Variants in TAF3 observed in about 807,000 individuals in gnomAD.
The protein encoded by TAF3 is TATA-box binding protein associated factor 3, also known as transcription initiation factor TFIID subunit 3.
Under a neutral mutation model 80.6 loss-of-function variants are expected in TAF3, and 7 were observed. That is an observed-to-expected ratio of 0.09 (90% CI 0.05 to 0.16). TAF3 has a LOEUF of 0.16. Among genes scored for constraint, TAF3 ranks in the 10% least tolerant of loss-of-function variants. The pLI, the probability that TAF3 is intolerant of heterozygous loss-of-function variation, is 1.00. For missense variants in TAF3, 921 were observed against 1,140.2 expected (o/e 0.81, Z 2.77); for synonymous variants, 444 against 446.1 (o/e 1.00, Z 0.06).
intron 2 of TAF3, among the ~76,000 whole-genome samples, chr10:7,902,253 G>T (rs949850126): frequency 6.6e-6 from 1 of 151,794 alleles, no homozygotes; most frequent in Non-Finnish European, 1.5e-5. Context: ...GAGAAACCCT[G>T]TCTCTACTAA....
chr10:7,983,326 G>T, intron 4 of TAF3, among the ~76,000 whole-genome samples: 1 of 152,230 alleles, frequency 6.6e-6, no homozygotes, highest in East Asian at 1.9e-4. Context: ...AGAATAAGGG[G>T]CAAGAGGCAG....
chr10:7,872,798 T>C (rs1450327558), intron 2 of TAF3, among the ~76,000 whole-genome samples: 2 of 152,216 alleles, frequency 1.3e-5, no homozygotes, highest in African/African-American at 2.4e-5. Context: ...ACTAAAATAG[T>C]ATTAAAGCAC....
At chr10:7,869,164 G>A (rs116762519) in intron 2 of TAF3, among the ~76,000 whole-genome samples, 1 of 151,976 alleles carries the variant, frequency 6.6e-6, no homozygotes, top group Non-Finnish European at 1.5e-5. Context: ...ATTTTAAAAT[G>A]TAGATAAAAA....
At chr10:7,849,325 T>G (rs1012853317) in intron 2 of TAF3, among the ~76,000 whole-genome samples, 38 of 152,188 alleles carry the variant, frequency 2.5e-4, no homozygotes, top group African/African-American at 9.2e-4. Context: ...TGTCTTTAGA[T>G]TATATTACTA....
intron 2 of TAF3, among the ~76,000 whole-genome samples, chr10:7,856,858 C>CAAAAA (rs57207229): frequency 3.3e-5 from 3 of 91,144 alleles, no homozygotes; most frequent in Non-Finnish European, 6.6e-5. Flanking sequence ...AGCTGGTTCT[C>CAAAAA]AAAAAAAAAA....
intron 1 of TAF3, 92 bp from the exon 2 acceptor site, chr10:7,824,226 C>A: frequency 1.5e-6 from 2 of 1,372,992 alleles, no homozygotes; most frequent in Non-Finnish European, 2.0e-6. Context: ...TGATTCTGAG[C>A]TGCATATTTA....
At chr10:7,909,618 A>G (rs1028127338) in intron 2 of TAF3, among the ~76,000 whole-genome samples, 18 of 152,218 alleles carry the variant, frequency 1.2e-4, no homozygotes, top group African/African-American at 4.1e-4. Flanking sequence ...GTTTAGAAAT[A>G]TTATTTATGC....
At chr10:7,942,938 C>CT (rs1484857863) in intron 2 of TAF3, among the ~76,000 whole-genome samples, 1 of 152,244 alleles carries the variant, frequency 6.6e-6, no homozygotes, top group Admixed American at 6.5e-5. Context: ...AGGTCTTCTG[C>CT]TCTTAACAGG....
At chr10:7,992,953 C>T (rs896676537) in intron 4 of TAF3, among the ~76,000 whole-genome samples, 2 of 152,134 alleles carry the variant, frequency 1.3e-5, no homozygotes, top group African/African-American at 4.8e-5. Flanking sequence ...CAGTATGCAA[C>T]TCTAAAAATA....
chr10:7,955,703 T>G (rs1034223087), intron 2 of TAF3, among the ~76,000 whole-genome samples: 60 of 152,260 alleles, frequency 3.9e-4, no homozygotes, highest in African/African-American at 1.4e-3. Flanking sequence ...TTATAGTAGC[T>G]TAGAATTAAC....
At chr10:7,908,310 A>G (rs1837624430) in intron 2 of TAF3, among the ~76,000 whole-genome samples, 1 of 151,914 alleles carries the variant, frequency 6.6e-6, no homozygotes, top group African/African-American at 2.4e-5. Context: ...AGCTCAGGTG[A>G]CTCTTCCCAT....
In TAF3 at chr10:8,013,193, A is replaced by C. The variant is rs147956616; in HGVS notation, c.2569-538A>C. Among the ~76,000 whole-genome samples the C allele has an allele frequency of 6.7e-3, 1,014 of 152,350 alleles. 10 individuals are homozygous for C. The highest frequency in any genetic ancestry group is 0.022 in the African/African-American group (927 of 41,582). ...AGGGAATGGAAAGTTACTTAGTAAC[A>C]ACTCTTTTATATCCTTGATCTTATC... is the stretch of plus-strand genomic sequence containing the variant. On this transcript the variant is annotated intron_variant, in intron 5 of 6. Coordinates refer to ENST00000344293, the MANE Select transcript of TAF3 (RefSeq NM_031923.4).
At chr10:7,960,043 A>C (rs184629095) in intron 2 of TAF3, among the ~76,000 whole-genome samples, 1 of 152,340 alleles carries the variant, frequency 6.6e-6, no homozygotes, top group African/African-American at 2.4e-5. Context: ...CAGAGTTAGA[A>C]GAGCAGGATG....
At chr10:7,969,832 G>A (rs1453080223) in intron 3 of TAF3, among the ~76,000 whole-genome samples, 1 of 152,114 alleles carries the variant, frequency 6.6e-6, no homozygotes, top group African/African-American at 2.4e-5. Context: ...TGACCGGGGT[G>A]GAAATTCCAG....
chr10:7,892,896 T>C (rs1837469729), intron 2 of TAF3, among the ~76,000 whole-genome samples: 1 of 151,372 alleles, frequency 6.6e-6, no homozygotes. Flanking sequence ...CTTGGCTCAC[T>C]GCAACCTCTG....
chr10:7,969,162 A>G (rs1360016804), intron 3 of TAF3, among the ~76,000 whole-genome samples: 1 of 151,978 alleles, frequency 6.6e-6, no homozygotes, highest in Non-Finnish European at 1.5e-5. Flanking sequence ...AAACAAACAA[A>G]CAAACAAAAA....
At chr10:7,974,616 A>T (rs1167852294) in intron 3 of TAF3, among the ~76,000 whole-genome samples, 1 of 152,160 alleles carries the variant, frequency 6.6e-6, no homozygotes, top group Non-Finnish European at 1.5e-5. Context: ...GCATGAGAAG[A>T]CCTATAATGG....
chr10:7,910,641 A>T (rs1029434419), intron 2 of TAF3, among the ~76,000 whole-genome samples: 1 of 152,164 alleles, frequency 6.6e-6, no homozygotes, highest in Non-Finnish European at 1.5e-5. Flanking sequence ...TCGGCCTCCC[A>T]AAGTGCTGGG....
intron 4 of TAF3, among the ~76,000 whole-genome samples, chr10:7,986,149 C>G (rs564743183): frequency 1.3e-5 from 2 of 152,036 alleles, no homozygotes; most frequent in East Asian, 3.9e-4. Context: ...TTTCCCCCTT[C>G]TTTTCTTTTT....
Sources: allele counts gnomAD v4.1 joint callset (sites outside exome capture counted in the v4.1 genomes callset), GRCh38; gene constraint gnomAD v4.1.1; transcripts MANE v1.5; gene names NCBI Gene and HGNC (gene_info 2026-07-23, HGNC 2026-07-21).